INTS1: variants seen among roughly 807,000 people sequenced by gnomAD.
INTS1 encodes integrator complex subunit 1.
Under a neutral mutation model 241.6 loss-of-function variants are expected in INTS1, and 137 were observed. The observed-to-expected ratio is 0.57, with a 90% CI of 0.49 to 0.65. The LOEUF (loss-of-function observed/expected upper bound fraction) is 0.65, where lower values mean the gene tolerates loss of function less well. Ranked by LOEUF, INTS1 falls within the 30% of genes least tolerant of loss-of-function variation. The probability of loss-of-function intolerance (pLI) is 0.00; values close to 1 mark genes in which losing one functional copy is unlikely to be tolerated. For missense variants in INTS1, 3,073 were observed against 3,032.2 expected (o/e 1.01, Z -0.32); for synonymous variants, 1,692 against 1,337.8 (o/e 1.26, Z -5.78).
At chr7:1,498,953 C>G in intron 8 of INTS1, 22 bp downstream of exon 8, 1 of 1,468,288 alleles carries the variant, frequency 6.8e-7, no homozygotes. Flanking sequence ...GCCCCGCCCA[C>G]CCCCCCGGGG....
chr7:1,489,031 C>G (rs1033190036), intron 18 of INTS1, among the ~76,000 whole-genome samples: 1 of 152,148 alleles, frequency 6.6e-6, no homozygotes, highest in Non-Finnish European at 1.5e-5. Context: ...CAGCATCGCA[C>G]CACCCCCAGC....
Position 1,497,787 on chromosome 7 carries a change from C to T in INTS1, c.1426-473G>A, listed in dbSNP as rs1364199597. ...CCTCGTGTTTCACACTCCATAGAGC[C>T]CACCGGGAGGCCTAATGCGCTGGTG... On this transcript the variant is annotated intron_variant, in intron 10 of 47. Coordinates refer to ENST00000404767, the MANE Select transcript of INTS1 (RefSeq NM_001080453.3). The surrounding 1 kb of genome is among the most constrained non-coding windows in gnomAD (Gnocchi z 5.3). 6.6e-6 allele frequency among the ~76,000 whole-genome samples: 1 copy of T among 152,256 alleles called. No individual in the cohort carries two copies. Among genetic ancestry groups the T allele is most frequent in the East Asian group, 1.9e-4 (1 of 5,192 alleles).
chr7:1,479,570 C>T lies in INTS1; in HGVS notation c.4189G>A (p.Glu1397Lys), dbSNP rs779775511. The change falls in exon 31 of 48, where the codon GAG becomes AAG. Residue 1397 changes from glutamate to lysine, a missense_variant. Transcript: ENST00000404767. ...ELARVVQGSP[E>K]VPGITVRVLQ... ...ACACGCACCGTGATGCCCGGCACCT[C>T]GGGGCTGCCCTGGACGACGCGGGCC... 10 of 1,548,104 alleles carry T rather than the reference C, an allele frequency of 6.5e-6. No homozygotes were observed. Among genetic ancestry groups the T allele is most frequent in the Middle Eastern group, 3.5e-4 (2 of 5,788 alleles).
At position 1,476,316 on chromosome 7, in the gene INTS1, AG is replaced by A. The variant is rs1184214694; in HGVS notation, c.5290del (p.Leu1764CysfsTer16). 8.2e-6 allele frequency: 13 copies of A among 1,588,480 alleles called. No homozygotes were observed. The highest frequency in any genetic ancestry group is 1.1e-5 in the Non-Finnish European group (13 of 1,169,374). The stretch of plus-strand genomic sequence containing the variant: ...GTCCCCACAGCAGCAGCTGAGCAGC[AG>A]GGGCAGCCGGGCCTGGATGAGGCTG... ...ACSLIQARLP[L>X]LLSCCCGDDE... On this transcript the variant is annotated frameshift_variant, in exon 38 of 48. Coordinates refer to ENST00000404767, the MANE Select transcript of INTS1 (RefSeq NM_001080453.3). LOFTEE classifies it high-confidence loss of function.
At chr7:1,477,016 C>T in intron 35 of INTS1, 98 bp from the exon 36 acceptor site, 1 of 1,448,904 alleles carries the variant, frequency 6.9e-7, no homozygotes, top group Non-Finnish European at 9.2e-7. Context: ...ACTCAGAGAG[C>T]CGAGGCTTGG....
Position 1,478,884 on chromosome 7 carries a change from C to T in INTS1, c.4331G>A (p.Arg1444His), listed in dbSNP as rs773093382. 7.2e-5 allele frequency: 115 copies of T among 1,598,214 alleles called. No homozygotes were observed. Among genetic ancestry groups the T allele is most frequent in the Non-Finnish European group, 9.2e-5 (107 of 1,169,032 alleles). Residue 1444 changes from arginine to histidine, a missense_variant and splice_region_variant, in exon 32 of 48, where the codon CGC becomes CAC. By Grantham distance (29) the Arg-to-His change is conservative. Transcript: ENST00000404767. ...PLLRQLCQYQ[R>H]CVPQDTGFSS... ...GAAGCCGGTGTCCTGTGGCACACAG[C>T]GCTGCGGGGACAAAGTGGCACGTGG...
chr7:1,499,745 G>A, intron 5 of INTS1, 113 bp from the exon 6 acceptor site: 4 of 1,463,796 alleles, frequency 2.7e-6, no homozygotes, highest in South Asian at 1.3e-5. Context: ...CCAGCTTCTG[G>A]GTGCAGCAGG....
chr7:1,472,992 G>A, intron 43 of INTS1, 80 bp downstream of exon 43: 1 of 953,198 alleles, frequency 1.0e-6, no homozygotes, highest in East Asian at 2.6e-5. Context: ...ACGGCCCAGG[G>A]CTGGCTGTGC....
Position 1,483,995 on chromosome 7 carries a change from G to C in INTS1, c.3429+8C>G, listed in dbSNP as rs760890275. 5.0e-6 allele frequency: 8 copies of C among 1,603,756 alleles called. No homozygotes were observed. Among genetic ancestry groups the C allele is most frequent in the East Asian group, 4.5e-5 (2 of 44,626 alleles). ...CCCTCACCCGGCCGTAGACCTCCTCGCCCTCACCCAGCTGTAGACCTCCTC... is the reference window on the plus strand; with the variant it reads ...CCCTCACCCGGCCGTAGACCTCCTCCCCCTCACCCAGCTGTAGACCTCCTC... On this transcript the variant is annotated splice_region_variant and intron_variant, in intron 25 of 47. Coordinates refer to ENST00000404767, the MANE Select transcript of INTS1 (RefSeq NM_001080453.3).
chr7:1,489,269 G>A (rs1782430471), intron 18 of INTS1, 75 bp downstream of exon 18: 4 of 89,866 alleles, frequency 4.5e-5, no homozygotes, highest in East Asian at 5.5e-4. Context: ...GAGACAGCAG[G>A]GAACACAGCC....
Position 1,470,569 on chromosome 7 carries a change from C to T in INTS1, c.*8G>A, listed in dbSNP as rs1468249977. On this transcript the variant is annotated 3_prime_UTR_variant, in exon 48 of 48. Transcript: ENST00000404767. Reference sequence around the variant, plus strand: ...CCGGGGCTTGGAGGGGGGTCGGCTGCCACAGGCTCACATCACGGCCTCCAT... The same window carrying T: ...CCGGGGCTTGGAGGGGGGTCGGCTGTCACAGGCTCACATCACGGCCTCCAT... The T allele has an allele frequency of 1.3e-6, 2 of 1,544,320 alleles. No individual in the cohort carries two copies. Among genetic ancestry groups the T allele is most frequent in the African/African-American group, 1.4e-5 (1 of 73,074 alleles).
intron 33 of INTS1, 32 bp from the exon 34 acceptor site, chr7:1,477,968 C>T (rs1190930387): frequency 1.2e-6 from 2 of 1,602,594 alleles, no homozygotes; most frequent in African/African-American, 2.7e-5. Context: ...ATGTGGGTCA[C>T]TCCCAGGTCG....
chr7:1,471,151 G>C lies in INTS1; in HGVS notation c.6329C>G (p.Ser2110Cys). 1.3e-6 allele frequency: 2 copies of C among 1,575,566 alleles called. No individual in the cohort carries two copies. Among genetic ancestry groups the C allele is most frequent in the Non-Finnish European group, 1.7e-6 (2 of 1,161,946 alleles). ...RNLAFSLALRSMQNSPSIAAA... is the reference protein window; with the variant it reads ...RNLAFSLALRCMQNSPSIAAA... ...GCCTCACCTGGGGCTGTTCTGCATG[G>C]AGCGCAGGGCCAGGCTGAAGGCGAG... Residue 2110 changes from serine (S) to cysteine (C), a missense_variant, in exon 46 of 48, where the codon TCC (serine) becomes TGC (cysteine). Transcript: ENST00000404767.
intron 24 of INTS1, among the ~76,000 whole-genome samples, 179 bp from the exon 25 acceptor site, chr7:1,484,349 A>AG (rs1471643812): frequency 1.3e-5 from 2 of 152,090 alleles, no homozygotes; most frequent in East Asian, 1.9e-4. Flanking sequence ...CGGACTCTCC[A>AG]GGGGGGAGGG....
rs535868904 is a variant in INTS1, at chr7:1,493,596, G to T, written c.2068+158C>A. On this transcript the variant is annotated intron_variant, in intron 15 of 47. Transcript: ENST00000404767. The surrounding 1 kb of genome is among the most constrained non-coding windows in gnomAD (Gnocchi z 5.3). The stretch of plus-strand genomic sequence containing the variant: ...GCACGCTTCTGAATTCCCAACGGCA[G>T]ATGTGGAGAAGGCAGGTCCCCGAGC... 7.4e-6 allele frequency among the ~76,000 whole-genome samples: 1 copy of T among 135,790 alleles called. No individual in the cohort carries two copies. Among genetic ancestry groups the T allele is most frequent in the Non-Finnish European group, 1.6e-5 (1 of 63,552 alleles). The allele number at this position is 135,790 out of a possible 152,430, so 89.1% of individuals were successfully genotyped here.
At chr7:1,494,595 C>T (rs1439768420) in intron 14 of INTS1, 8 of 603,852 alleles carry the variant, frequency 1.3e-5, no homozygotes, top group East Asian at 2.8e-5. Flanking sequence ...CTTGGAGTCA[C>T]GTGGACGCAG....
At chr7:1,483,029 G>T (rs1283521631) in intron 26 of INTS1, 7 of 299,278 alleles carry the variant, frequency 2.3e-5, no homozygotes, top group Non-Finnish European at 3.2e-5. Flanking sequence ...CAGCTCTCTG[G>T]CTCCGCAAAG....
chr7:1,498,237 CTAGAA>C, intron 10 of INTS1, 170 bp downstream of exon 10: 2 of 963,032 alleles, frequency 2.1e-6, no homozygotes, highest in Non-Finnish European at 3.0e-6. Flanking sequence ...TGCACCCACT[CTAGAA>C]ACGGCTCAAC....
At position 1,493,203 on chromosome 7, in the gene INTS1, G is replaced by C. The variant is rs1047868991; in HGVS notation, c.2069-97C>G. On this transcript the variant is annotated intron_variant, in intron 15 of 47. Coordinates refer to ENST00000404767, the MANE Select transcript of INTS1 (RefSeq NM_001080453.3). This position sits in a 1 kb window ranked among gnomAD's most constrained non-coding sequence, Gnocchi z 5.3. The stretch of plus-strand genomic sequence containing the variant: ...GCCCTGCTCGGGCCGCGTCGGGGTG[G>C]GGTGGGGGATGCCGCAGGGTGGGGC... 2.2e-6 allele frequency: 2 copies of C among 912,964 alleles called. No homozygotes were observed. The highest frequency in any genetic ancestry group is 2.1e-5 in the Admixed American group (1 of 47,326). The allele number at this position is 912,964 out of a possible 1,614,324, so 56.6% of individuals were successfully genotyped here.
Sources: allele counts gnomAD v4.1 joint callset (sites outside exome capture counted in the v4.1 genomes callset), GRCh38; gene constraint gnomAD v4.1.1; non-coding constraint Gnocchi (gnomAD v3.1); transcripts MANE v1.5; gene names NCBI Gene and HGNC (gene_info 2026-07-23, HGNC 2026-07-21).